PRDM11: variants seen among roughly 807,000 people sequenced by gnomAD.
PRDM11 encodes PR/SET domain 11.
PRDM11 carries 20 observed loss-of-function variants against 97.8 expected under a neutral mutation model. The ratio of observed to expected loss-of-function variants is 0.20; its 90% CI spans 0.14 to 0.30. The LOEUF (loss-of-function observed/expected upper bound fraction) is 0.30, where lower values mean the gene tolerates loss of function less well. Ranked by LOEUF, PRDM11 falls within the 10% of genes least tolerant of loss-of-function variation. The pLI is 1.00. For missense variants in PRDM11, 1,139 were observed against 1,555.2 expected, an observed-to-expected ratio of 0.73 and a Z score of 4.50; for synonymous variants, 599 against 637.7, an observed-to-expected ratio of 0.94 and a Z score of 0.91.
chr11:45,213,001 C>G (rs984436703), intron 5 of PRDM11: 2 of 404,496 alleles, frequency 4.9e-6, no homozygotes, highest in Non-Finnish European at 1.0e-5. Flanking sequence ...CATCAGCCCC[C>G]ACACGGACTA....
At chr11:45,167,228 G>A (rs1291608765) in intron 1 of PRDM11, among the ~76,000 whole-genome samples, 1 of 152,204 alleles carries the variant, frequency 6.6e-6, no homozygotes, top group Non-Finnish European at 1.5e-5. Flanking sequence ...GAGCTTACAT[G>A]TATGAGCCTT....
rs1444856995 is a variant in PRDM11, at chr11:45,219,443, A to G, written c.555-127A>G. 4.5e-6 allele frequency: 4 copies of G among 884,662 alleles called. No individual in the cohort carries two copies. Among genetic ancestry groups the G allele is most frequent in the African/African-American group, 1.7e-5 (1 of 59,224 alleles). The allele number at this position is 884,662 out of a possible 1,614,324, so 54.8% of individuals were successfully genotyped here. A position where few individuals can be genotyped will look rare whatever the true frequency, so the allele number is the denominator to read the frequency against. On this transcript the variant is annotated intron_variant, in intron 5 of 7. Coordinates refer to ENST00000683152, the MANE Select transcript of PRDM11 (RefSeq NM_001384648.1). This position sits in a 1 kb window ranked among gnomAD's most constrained non-coding sequence, Gnocchi z 4.2. ...TCCGGACAGGGCAGCTGCTCTGCTG[A>G]TGTTCACATGGGCCCACGTGCCTGT...
intron 1 of PRDM11, among the ~76,000 whole-genome samples, chr11:45,111,768 C>T (rs1268666056): frequency 6.6e-6 from 1 of 152,094 alleles, no homozygotes; most frequent in East Asian, 1.9e-4. Context: ...ACCAGGGGCC[C>T]ATTGAGTTGG....
intron 6 of PRDM11, among the ~76,000 whole-genome samples, chr11:45,222,203 T>C (rs1565344052): frequency 6.6e-6 from 1 of 152,260 alleles, no homozygotes; most frequent in Non-Finnish European, 1.5e-5. Flanking sequence ...TTTGTTTTTG[T>C]TTTCCATGTT....
chr11:45,156,183 G>A (rs1343804871), intron 1 of PRDM11, among the ~76,000 whole-genome samples: 1 of 152,220 alleles, frequency 6.6e-6, no homozygotes, highest in Non-Finnish European at 1.5e-5. Flanking sequence ...CCCCTGAGAT[G>A]ATGGGCAGTG....
intron 1 of PRDM11, among the ~76,000 whole-genome samples, chr11:45,127,450 TC>T (rs990654819): frequency 2.0e-5 from 3 of 152,244 alleles, no homozygotes; most frequent in African/African-American, 7.2e-5. Flanking sequence ...CTCTGTTTTT[TC>T]CCCATCTTTG....
intron 5 of PRDM11, among the ~76,000 whole-genome samples, chr11:45,207,908 A>G (rs1853573298): frequency 6.6e-6 from 1 of 152,168 alleles, no homozygotes; most frequent in South Asian, 2.1e-4. Flanking sequence ...TTTCCTCCAT[A>G]CCCTCATGTC....
chr11:45,132,362 A>G (rs1289730599), intron 1 of PRDM11, among the ~76,000 whole-genome samples: 1 of 152,180 alleles, frequency 6.6e-6, no homozygotes, highest in African/African-American at 2.4e-5. Context: ...AAAGGCATAA[A>G]CCAAGCTCTG....
chr11:45,211,081 G>T (rs924089576), intron 5 of PRDM11, among the ~76,000 whole-genome samples: 2 of 152,292 alleles, frequency 1.3e-5, no homozygotes, highest in South Asian at 4.1e-4. Flanking sequence ...GGCCAGCTGC[G>T]GCAGCACTCG....
chr11:45,173,186 G>T (rs1259120278), intron 1 of PRDM11, among the ~76,000 whole-genome samples: 2 of 152,098 alleles, frequency 1.3e-5, no homozygotes, highest in East Asian at 3.9e-4. Flanking sequence ...GCTGGGCAAA[G>T]GCTCGGTGTC....
At chr11:45,159,980 C>T (rs1487723502) in intron 1 of PRDM11, among the ~76,000 whole-genome samples, 2 of 152,234 alleles carry the variant, frequency 1.3e-5, no homozygotes, top group Non-Finnish European at 2.9e-5. Context: ...GCGCCTCTGA[C>T]TGCCCAACCC....
intron 4 of PRDM11, among the ~76,000 whole-genome samples, chr11:45,186,231 G>A (rs114825024): frequency 1.3e-5 from 2 of 152,094 alleles, no homozygotes; most frequent in East Asian, 1.9e-4. Context: ...TTATGTTTGT[G>A]GGGGGACATC....
chr11:45,219,505 C>G lies in PRDM11; in HGVS notation c.555-65C>G. On this transcript the variant is annotated intron_variant, in intron 5 of 7. Transcript: ENST00000683152. The surrounding 1 kb of genome is among the most constrained non-coding windows in gnomAD (Gnocchi z 4.2). The stretch of plus-strand genomic sequence containing the variant: ...CATCCACACTTGCCCAGCACTGTGC[C>G]GGCACCAGCGGGCACTCAACAAAGG... 1 of 1,461,420 alleles carries G rather than the reference C, an allele frequency of 6.8e-7. No individual in the cohort carries two copies. The highest frequency in any genetic ancestry group is 1.4e-5 in the African/African-American group (1 of 72,046). The allele number at this position is 1,461,420 out of a possible 1,614,324, so 90.5% of individuals were successfully genotyped here.
intron 1 of PRDM11, among the ~76,000 whole-genome samples, chr11:45,107,424 G>A (rs1219295792): frequency 6.6e-6 from 1 of 152,212 alleles, no homozygotes; most frequent in Non-Finnish European, 1.5e-5. Flanking sequence ...CGACCCTTGA[G>A]AACCTCTTAT....
chr11:45,132,656 T>A (rs1331547277), intron 1 of PRDM11, among the ~76,000 whole-genome samples: 1 of 152,168 alleles, frequency 6.6e-6, no homozygotes, highest in Non-Finnish European at 1.5e-5. Context: ...CCTCCATCCT[T>A]TCACAATCTG....
intron 1 of PRDM11, among the ~76,000 whole-genome samples, chr11:45,177,583 A>C (rs1186787130): frequency 1.3e-5 from 2 of 151,996 alleles, no homozygotes; most frequent in African/African-American, 4.8e-5. Flanking sequence ...ACAAGCACAA[A>C]AGTCTGTCTA....
intron 1 of PRDM11, among the ~76,000 whole-genome samples, chr11:45,097,014 A>G (rs6485590): frequency 0.29 from 44,304 of 152,142 alleles, 8,131 homozygotes; most frequent in African/African-American, 0.51. Flanking sequence ...GAGGCTACCA[A>G]CCTGGAAATG....
Position 45,211,091 on chromosome 11 carries a change from G to T in PRDM11, c.554+6313G>T, listed in dbSNP as rs1186862370. 2.6e-5 allele frequency among the ~76,000 whole-genome samples: 4 copies of T among 152,174 alleles called. No individual in the cohort carries two copies. The South Asian group carries it at 8.3e-4, about 31-fold the overall frequency. On this transcript the variant is annotated intron_variant, in intron 5 of 7. Coordinates refer to ENST00000683152, the MANE Select transcript of PRDM11 (RefSeq NM_001384648.1). ...GCAGTGGCCAGCTGCGGCAGCACTC[G>T]GCCAGGGGCTTGGCAGAACGGGGAC...
chr11:45,180,420 G>C (rs1852443287), intron 1 of PRDM11, among the ~76,000 whole-genome samples: 1 of 152,028 alleles, frequency 6.6e-6, no homozygotes, highest in South Asian at 2.1e-4. Flanking sequence ...ACACCCGCCC[G>C]GCCTCCGCGG....
Sources: gnomAD v4.1 joint callset for allele counts (sites outside exome capture counted in the v4.1 genomes callset) on GRCh38, gnomAD v4.1.1 for gene constraint, Gnocchi (gnomAD v3.1) non-coding constraint, MANE v1.5 for transcripts, NCBI Gene and HGNC (gene_info 2026-07-23, HGNC 2026-07-21) for gene names.